The following SOAT1 variants were observed in gnomAD, a reference collection of about 807,000 sequenced individuals.
SOAT1 encodes sterol O-acyltransferase 1, also known as acyl-coenzyme A:cholesterol acyltransferase 1.
SOAT1 carries 55 observed loss-of-function variants against 69.5 expected under a neutral mutation model. The observed-to-expected ratio is 0.79, with a 90% confidence interval of 0.64 to 0.99. The LOEUF (loss-of-function observed/expected upper bound fraction) is 0.99, where lower values mean the gene tolerates loss of function less well. Among genes scored for constraint, SOAT1 ranks in the 50% least tolerant of loss-of-function variants. The pLI, the probability that SOAT1 is intolerant of heterozygous loss-of-function variation, is 0.00. For synonymous variants in SOAT1, 231 were observed against 224.7 expected, an observed-to-expected ratio of 1.03 and a Z score of -0.25; for missense variants, 580 against 669.3, an observed-to-expected ratio of 0.87 and a Z score of 1.47.
chr1:179,347,375 A>AAAT (rs397944528), intron 11 of SOAT1, among the ~76,000 whole-genome samples: 1 of 151,156 alleles, frequency 6.6e-6, no homozygotes, highest in Non-Finnish European at 1.5e-5. Context: ...AAAAAAAAAA[A>AAAT]CCAGACTGGG....
chr1:179,343,567 A>C lies in SOAT1; in HGVS notation c.942-23A>C, dbSNP rs371684301. ...TTCAATTACTTTATTTAGAAACCTT[A>C]TTTTTGTTTCTTTCTTTTTCAGGAA... is the stretch of plus-strand genomic sequence containing the variant. On this transcript the variant is annotated intron_variant, in intron 9 of 15. Coordinates refer to ENST00000367619, the MANE Select transcript of SOAT1 (RefSeq NM_003101.6). 14 of 1,595,780 alleles carry C rather than the reference A, an allele frequency of 8.8e-6. No individual in the cohort carries two copies. The African/African-American group carries it at 1.7e-4, about 20-fold the overall frequency.
At chr1:179,322,900 C>T (rs1665651460) in intron 2 of SOAT1, among the ~76,000 whole-genome samples, 1 of 152,132 alleles carries the variant, frequency 6.6e-6, no homozygotes, top group Non-Finnish European at 1.5e-5. Context: ...TAGACTTTGC[C>T]ATTCTGTAAA....
intron 1 of SOAT1, among the ~76,000 whole-genome samples, chr1:179,300,888 A>T (rs2124932553): frequency 6.6e-6 from 1 of 152,090 alleles, no homozygotes; most frequent in Non-Finnish European, 1.5e-5. Flanking sequence ...TTGAGGTCAG[A>T]AGTTCGAGAC....
intron 1 of SOAT1, among the ~76,000 whole-genome samples, chr1:179,297,460 C>T (rs952261150): frequency 2.0e-5 from 3 of 152,108 alleles, no homozygotes; most frequent in South Asian, 2.1e-4. Context: ...TTCGGCCTCC[C>T]GAGTAGCTGG....
At chr1:179,310,265 CT>C (rs34859522) in intron 2 of SOAT1, among the ~76,000 whole-genome samples, 4 of 143,446 alleles carry the variant, frequency 2.8e-5, no homozygotes, top group Non-Finnish European at 3.0e-5. Flanking sequence ...GAAAACATGA[CT>C]TTTTTTTTTT....
Position 179,345,043 on chromosome 1 carries a change from C to A in SOAT1, c.1084C>A (p.Leu362Met), listed in dbSNP as rs765422379. ...ACAGGAGCCCTTCAGCGCTCGTGTT[C>A]TGGTCCTATGTGTATTTAACTCCAT... ...IKQEPFSARV[L>M]VLCVFNSILP... The change falls in exon 11 of 16, where the codon CTG becomes ATG. Residue 362 changes from leucine (L) to methionine (M), a missense_variant. Physicochemically the swap from Leu to Met is conservative, Grantham distance 15. Transcript: ENST00000367619. 19 of 1,613,980 alleles carry A rather than the reference C, an allele frequency of 1.2e-5. No individual in the cohort carries two copies. Among genetic ancestry groups the A allele is most frequent in the East Asian group, 2.2e-5 (1 of 44,894 alleles).
At chr1:179,321,885 T>C (rs1424067216) in intron 2 of SOAT1, among the ~76,000 whole-genome samples, 1 of 152,070 alleles carries the variant, frequency 6.6e-6, no homozygotes, top group Non-Finnish European at 1.5e-5. Flanking sequence ...TCTTTTTTTC[T>C]TTCCTTTTTT....
chr1:179,331,569 C>A (rs1185506591), intron 3 of SOAT1, among the ~76,000 whole-genome samples: 1 of 152,118 alleles, frequency 6.6e-6, no homozygotes, highest in Non-Finnish European at 1.5e-5. Flanking sequence ...GAAACCCCGT[C>A]TCTACTAAAA....
chr1:179,332,485 A>G (rs1008604062), intron 3 of SOAT1, among the ~76,000 whole-genome samples: 14 of 152,128 alleles, frequency 9.2e-5, no homozygotes, highest in African/African-American at 3.1e-4. Context: ...TAAGCTCTAA[A>G]AATGTAGTTT....
At chr1:179,313,306 C>T (rs1665279853) in intron 2 of SOAT1, among the ~76,000 whole-genome samples, 1 of 152,086 alleles carries the variant, frequency 6.6e-6, no homozygotes, top group Non-Finnish European at 1.5e-5. Flanking sequence ...TTACGTTGTT[C>T]AATATGGTTG....
intron 3 of SOAT1, among the ~76,000 whole-genome samples, chr1:179,328,976 G>A (rs1027752617): frequency 6.6e-6 from 1 of 150,980 alleles, no homozygotes; most frequent in African/African-American, 2.4e-5. Context: ...AGCCCAGCAG[G>A]TGGAGGTTGC....
chr1:179,334,910 G>A (rs1271890477), intron 3 of SOAT1, among the ~76,000 whole-genome samples: 1 of 151,400 alleles, frequency 6.6e-6, no homozygotes, highest in Non-Finnish European at 1.5e-5. Context: ...AGCTACTCGG[G>A]AATCTGAGGC....
chr1:179,350,083 A>G (rs1378769180), intron 13 of SOAT1, among the ~76,000 whole-genome samples: 2 of 152,200 alleles, frequency 1.3e-5, no homozygotes, highest in Non-Finnish European at 2.9e-5. Flanking sequence ...GATATTTTTG[A>G]AAATAGACTC....
intron 2 of SOAT1, among the ~76,000 whole-genome samples, chr1:179,318,563 T>C (rs1368432052): frequency 6.6e-6 from 1 of 152,180 alleles, no homozygotes; most frequent in Non-Finnish European, 1.5e-5. Flanking sequence ...TTTTAGAATA[T>C]TTTTAGCATC....
intron 14 of SOAT1, among the ~76,000 whole-genome samples, chr1:179,350,734 G>A (rs75929253): frequency 0.016 from 2,456 of 152,142 alleles, 72 homozygotes; most frequent in African/African-American, 0.056. Flanking sequence ...AAACATTGTC[G>A]GTATGCACCC....
At chr1:179,333,192 G>A (rs1666028349) in intron 3 of SOAT1, among the ~76,000 whole-genome samples, 1 of 152,128 alleles carries the variant, frequency 6.6e-6, no homozygotes, top group South Asian at 2.1e-4. Context: ...TTGGAACAAT[G>A]AATACCTGGA....
intron 3 of SOAT1, among the ~76,000 whole-genome samples, chr1:179,330,779 A>C (rs1316714577): frequency 1.3e-5 from 2 of 152,214 alleles, no homozygotes; most frequent in African/African-American, 4.8e-5. Flanking sequence ...ACATGGCTCT[A>C]GTCATTTTGT....
chr1:179,302,231 C>T (rs1664854835), intron 1 of SOAT1, among the ~76,000 whole-genome samples: 1 of 152,272 alleles, frequency 6.6e-6, no homozygotes, highest in South Asian at 2.1e-4. Context: ...CATCACATTT[C>T]ACCTCTCCTA....
chr1:179,313,386 C>T (rs1163542042), intron 2 of SOAT1, among the ~76,000 whole-genome samples: 1 of 141,926 alleles, frequency 7.0e-6, no homozygotes, highest in African/African-American at 2.4e-5. Context: ...GATTGAGAAA[C>T]ACTATAGTTA....
Sources: gnomAD v4.1 joint callset for allele counts (sites outside exome capture counted in the v4.1 genomes callset) on GRCh38, gnomAD v4.1.1 for gene constraint, MANE v1.5 for transcripts, NCBI Gene and HGNC (gene_info 2026-07-23, HGNC 2026-07-21) for gene names.